PALLD: variants seen among roughly 807,000 people sequenced by gnomAD.
PALLD encodes the protein palladin.
In PALLD, 61 loss-of-function variants were observed where a neutral mutation model predicts 123.5. That is an observed-to-expected ratio of 0.49 (90% CI 0.40 to 0.61). PALLD has a LOEUF of 0.61. Among genes scored for constraint, PALLD ranks in the 20% least tolerant of loss-of-function variants. PALLD has a pLI of 0.00. For missense variants in PALLD, 1,273 were observed against 1,377.0 expected (o/e 0.92, Z 1.20); for synonymous variants, 465 against 496.4 (o/e 0.94, Z 0.84).
At chr4:168,901,186 C>T (rs957925830) in intron 14 of PALLD, among the ~76,000 whole-genome samples, 5 of 152,182 alleles carry the variant, frequency 3.3e-5, no homozygotes, top group African/African-American at 1.2e-4. Flanking sequence ...TCTACTTTGG[C>T]ATATGCCATA....
intron 10 of PALLD, among the ~76,000 whole-genome samples, chr4:168,786,589 G>C (rs1736792908): frequency 6.6e-6 from 1 of 152,184 alleles, no homozygotes; most frequent in African/African-American, 2.4e-5. Context: ...AGGATAGTTT[G>C]AGTGCAGGAG....
intron 2 of PALLD, among the ~76,000 whole-genome samples, chr4:168,573,163 C>T (rs909221822): frequency 1.3e-4 from 19 of 151,676 alleles, no homozygotes; most frequent in African/African-American, 4.6e-4. Context: ...TTTCCAGTTC[C>T]TTCTGCCTGG....
chr4:168,669,028 T>C (rs981971709), intron 3 of PALLD, among the ~76,000 whole-genome samples: 5 of 152,254 alleles, frequency 3.3e-5, no homozygotes. Flanking sequence ...TAATTTAGAA[T>C]AGTTGGAAGT....
intron 8 of PALLD, among the ~76,000 whole-genome samples, chr4:168,703,032 A>T (rs1271571079): frequency 7.3e-6 from 1 of 136,632 alleles, no homozygotes; most frequent in Non-Finnish European, 1.6e-5. Flanking sequence ...AGCATTAGGT[A>T]TATCTCCCAA....
intron 6 of PALLD, among the ~76,000 whole-genome samples, chr4:168,685,996 G>A (rs1782006651): frequency 6.6e-6 from 1 of 151,874 alleles, no homozygotes; most frequent in Non-Finnish European, 1.5e-5. Flanking sequence ...CTTCCATATA[G>A]CATTTCTTCT....
chr4:168,817,896 G>C (rs530963557), intron 10 of PALLD, among the ~76,000 whole-genome samples: 1 of 152,274 alleles, frequency 6.6e-6, no homozygotes, highest in East Asian at 1.9e-4. Context: ...CTATCCTTCT[G>C]TTCTCATGCA....
chr4:168,668,462 A>G (rs755188872), intron 3 of PALLD, 94 bp downstream of exon 3: 11 of 953,682 alleles, frequency 1.2e-5, no homozygotes, highest in Non-Finnish European at 1.7e-5. Flanking sequence ...TTCCAATGCA[A>G]ATGGCACAAT....
chr4:168,526,141 C>A (rs772458600), intron 2 of PALLD, among the ~76,000 whole-genome samples: 8 of 152,196 alleles, frequency 5.3e-5, no homozygotes, highest in Non-Finnish European at 1.2e-4. Flanking sequence ...CCAACACACG[C>A]CTCAAGAACC....
intron 10 of PALLD, among the ~76,000 whole-genome samples, chr4:168,801,093 T>C (rs1739256579): frequency 6.6e-6 from 1 of 152,058 alleles, no homozygotes; most frequent in South Asian, 2.1e-4. Context: ...CATAACTGAA[T>C]AGTAAAGTTA....
chr4:168,928,113 T>C lies in PALLD; in HGVS notation c.*1933T>C, dbSNP rs763599919. The C allele has an allele frequency of 5.1e-6, 1 of 194,306 alleles. No individual in the cohort carries two copies. Among genetic ancestry groups the C allele is most frequent in the Non-Finnish European group, 1.1e-5 (1 of 92,920 alleles). 12.0% of individuals were successfully genotyped at this position (194,306 alleles called of 1,614,324 possible). On this transcript the variant is annotated 3_prime_UTR_variant, in exon 22 of 22. Coordinates refer to ENST00000505667, the MANE Select transcript of PALLD (RefSeq NM_001166108.2). ...CTTGAGCACCGGGTGGCAGATGTTC[T>C]ATGCAGTGTGGTTCAAGTTTCTTTG... is the stretch of plus-strand genomic sequence containing the variant.
chr4:168,563,755 C>T (rs1768089549), intron 2 of PALLD, among the ~76,000 whole-genome samples: 1 of 152,104 alleles, frequency 6.6e-6, no homozygotes, highest in Non-Finnish European at 1.5e-5. Context: ...AGGTAGTTCT[C>T]CATTATATAA....
chr4:168,875,051 TTGGAAATACATAGTATTTCCAAAATACTA>T (rs773593629), intron 10 of PALLD, among the ~76,000 whole-genome samples: 44 of 151,950 alleles, frequency 2.9e-4, no homozygotes, highest in Non-Finnish European at 5.0e-4. Flanking sequence ...GTCATACTAT[TTGGAAATACATAGTATTTCCAAAATACTA>T]TGGAAATACA....
chr4:168,799,442 C>G (rs1052916453), intron 10 of PALLD, among the ~76,000 whole-genome samples: 2 of 152,156 alleles, frequency 1.3e-5, no homozygotes, highest in Admixed American at 1.3e-4. Context: ...AATGCAAATT[C>G]TTTAAGTCGT....
chr4:168,822,513 A>G (rs998047685), intron 10 of PALLD, among the ~76,000 whole-genome samples: 1 of 152,214 alleles, frequency 6.6e-6, no homozygotes, highest in Non-Finnish European at 1.5e-5. Flanking sequence ...ACATATTCCT[A>G]TGTTGCAGCC....
At chr4:168,571,269 T>C (rs1381287488) in intron 2 of PALLD, among the ~76,000 whole-genome samples, 1 of 152,166 alleles carries the variant, frequency 6.6e-6, no homozygotes, top group African/African-American at 2.4e-5. Flanking sequence ...CATTCATCTA[T>C]TTACTCTATG....
chr4:168,805,902 T>G (rs1026234163), intron 10 of PALLD, among the ~76,000 whole-genome samples: 1 of 152,184 alleles, frequency 6.6e-6, no homozygotes, highest in African/African-American at 2.4e-5. Context: ...TTAATGTTCA[T>G]TGTATAGTCC....
intron 2 of PALLD, among the ~76,000 whole-genome samples, chr4:168,634,404 C>T (rs1776135063): frequency 1.3e-5 from 2 of 152,208 alleles, no homozygotes; most frequent in Non-Finnish European, 2.9e-5. Flanking sequence ...CTGCCAGCTG[C>T]CTGTGGTATT....
intron 16 of PALLD, 43 bp from the exon 17 acceptor site, chr4:168,915,852 A>T: frequency 6.6e-7 from 1 of 1,526,428 alleles, no homozygotes; most frequent in Non-Finnish European, 9.1e-7. Flanking sequence ...GGAAGTAACT[A>T]CTATCTATAT....
chr4:168,616,658 G>T (rs1358148094), intron 2 of PALLD, among the ~76,000 whole-genome samples: 1 of 152,122 alleles, frequency 6.6e-6, no homozygotes. Context: ...CAAAATCAAT[G>T]AAATGAGCAG....
Sources: allele counts gnomAD v4.1 joint callset (sites outside exome capture counted in the v4.1 genomes callset), GRCh38; gene constraint gnomAD v4.1.1; transcripts MANE v1.5; gene names NCBI Gene and HGNC (gene_info 2026-07-23, HGNC 2026-07-21).